Variants in EYA1 observed in about 807,000 individuals in gnomAD.
EYA1 encodes protein phosphatase EYA1.
Under a neutral mutation model 82.0 loss-of-function variants are expected in EYA1, and 16 were observed. That is an observed-to-expected ratio of 0.20 (90% CI 0.13 to 0.30). EYA1 has a LOEUF of 0.30. Among genes scored for constraint, EYA1 ranks in the 10% least tolerant of loss-of-function variants. The pLI, the probability that EYA1 is intolerant of heterozygous loss-of-function variation, is 1.00. For synonymous variants in EYA1, 261 were observed against 264.4 expected, an observed-to-expected ratio of 0.99 and a Z score of 0.12; for missense variants, 633 against 730.7, an observed-to-expected ratio of 0.87 and a Z score of 1.54.
At chr8:71,504,430 C>T (rs1397108752) in intron 2 of EYA1, among the ~76,000 whole-genome samples, 1 of 152,100 alleles carries the variant, frequency 6.6e-6, no homozygotes, top group African/African-American at 2.4e-5. Flanking sequence ...TCACCTAATC[C>T]ATGATCCATT....
chr8:71,284,092 T>G (rs762335383), intron 9 of EYA1, among the ~76,000 whole-genome samples: 2 of 152,186 alleles, frequency 1.3e-5, no homozygotes, highest in Non-Finnish European at 2.9e-5. Context: ...AAGCCGTAAG[T>G]CTCACTTGTC....
intron 2 of EYA1, among the ~76,000 whole-genome samples, chr8:71,387,140 A>G (rs35871111): frequency 0.24 from 35,812 of 152,066 alleles, 4,878 homozygotes; most frequent in Middle Eastern, 0.33. Context: ...AGACTACTTT[A>G]GGGGAGTAGA....
At chr8:71,200,146 A>C in intron 17 of EYA1, 1 of 152,898 alleles carries the variant, frequency 6.5e-6, no homozygotes, top group East Asian at 1.9e-4. Context: ...CACTATAGTA[A>C]GTACTAATGC....
chr8:71,489,116 C>T (rs1030311976), intron 2 of EYA1, among the ~76,000 whole-genome samples: 12 of 152,100 alleles, frequency 7.9e-5, no homozygotes, highest in Non-Finnish European at 1.6e-4. Context: ...TTTTATGTGA[C>T]GGATGCTGTT....
At chr8:71,436,436 A>G (rs991861204) in intron 2 of EYA1, among the ~76,000 whole-genome samples, 1 of 152,146 alleles carries the variant, frequency 6.6e-6, no homozygotes, top group Non-Finnish European at 1.5e-5. Context: ...CAAACAGAGA[A>G]ATAATTTGTT....
chr8:71,264,310 C>T (rs1815507655), intron 11 of EYA1, among the ~76,000 whole-genome samples: 1 of 152,184 alleles, frequency 6.6e-6, no homozygotes, highest in Non-Finnish European at 1.5e-5. Context: ...GCGAACTGAG[C>T]TGTTCTGATG....
chr8:71,290,952 ATTAG>A (rs1818932230), intron 9 of EYA1, among the ~76,000 whole-genome samples: 1 of 152,218 alleles, frequency 6.6e-6, no homozygotes, highest in African/African-American at 2.4e-5. Flanking sequence ...TTTCCAAAAC[ATTAG>A]TTAAAATTGT....
intron 2 of EYA1, among the ~76,000 whole-genome samples, chr8:71,420,632 T>C (rs1214035556): frequency 1.3e-5 from 2 of 152,180 alleles, no homozygotes; most frequent in Non-Finnish European, 1.5e-5. Context: ...TATCTGATAC[T>C]AAAAAATTGA....
At chr8:71,217,050 T>C (rs1316396446) in intron 12 of EYA1, 27 bp from the exon 13 acceptor site, 3 of 1,574,802 alleles carry the variant, frequency 1.9e-6, no homozygotes, top group Non-Finnish European at 8.7e-7. Flanking sequence ...ATGATACATG[T>C]CAATTTTTTA....
intron 3 of EYA1, among the ~76,000 whole-genome samples, chr8:71,342,312 C>T (rs769781291): frequency 6.6e-6 from 1 of 152,172 alleles, no homozygotes; most frequent in Non-Finnish European, 1.5e-5. Flanking sequence ...TATCTACTAT[C>T]AATTCCTTCT....
chr8:71,420,384 T>C (rs1406308589), intron 2 of EYA1, among the ~76,000 whole-genome samples: 1 of 152,140 alleles, frequency 6.6e-6, no homozygotes, highest in African/African-American at 2.4e-5. Flanking sequence ...ACCTAGGATA[T>C]GTTAAAGGTG....
chr8:71,476,953 G>A (rs1361788924), intron 2 of EYA1, among the ~76,000 whole-genome samples: 1 of 151,824 alleles, frequency 6.6e-6, no homozygotes, highest in Non-Finnish European at 1.5e-5. Context: ...TTCAACAAAA[G>A]TGACAAGACC....
intron 3 of EYA1, among the ~76,000 whole-genome samples, chr8:71,353,669 T>C (rs1327210900): frequency 2.6e-5 from 4 of 152,190 alleles, no homozygotes; most frequent in Admixed American, 6.5e-5. Flanking sequence ...TTACATAACA[T>C]TGTAAGTTTC....
intron 4 of EYA1, among the ~76,000 whole-genome samples, chr8:71,327,853 C>CTTTT (rs71555578): frequency 2.9e-4 from 32 of 110,176 alleles, no homozygotes; most frequent in African/African-American, 3.5e-4. Context: ...TCTTTAAGTT[C>CTTTT]TTTTTTTTTT....
chr8:71,479,623 G>GAAAAAAAAA (rs34377404), intron 2 of EYA1, among the ~76,000 whole-genome samples: 1 of 100,200 alleles, frequency 1.0e-5, no homozygotes. Context: ...CTTTCTTTAT[G>GAAAAAAAAA]AAAAAAAAAA....
intron 2 of EYA1, among the ~76,000 whole-genome samples, chr8:71,406,420 C>T (rs1045394665): frequency 2.0e-5 from 3 of 152,160 alleles, no homozygotes; most frequent in Non-Finnish European, 4.4e-5. Context: ...CCAGCGTGAG[C>T]GACGCAGAAG....
upstream of EYA1, among the ~76,000 whole-genome samples, chr8:71,363,150 A>G (rs1827536150): frequency 6.6e-6 from 1 of 152,150 alleles, no homozygotes; most frequent in East Asian, 1.9e-4. Flanking sequence ...TTAAGGAAAA[A>G]AAAAGCGTCC....
chr8:71,457,955 C>T lies in EYA1; in HGVS notation c.33+77789G>A, dbSNP rs188753127. Among the ~76,000 whole-genome samples the T allele has an allele frequency of 7.2e-5, 11 of 152,258 alleles. No homozygotes were observed. In the East Asian group the frequency reaches 2.1e-3, roughly 29 times the overall value. On this transcript the variant is annotated intron_variant, in intron 2 of 18. Transcript: ENST00000643681. Reference sequence around the variant, plus strand: ...ATGGACTTGAGTTTGACTCACCTTACATCTTAATTACAGGCTCCTATTCTG... The same window carrying T: ...ATGGACTTGAGTTTGACTCACCTTATATCTTAATTACAGGCTCCTATTCTG...
chr8:71,200,560 T>A (rs1806851931), intron 17 of EYA1, among the ~76,000 whole-genome samples: 2 of 152,220 alleles, frequency 1.3e-5, no homozygotes, highest in Non-Finnish European at 2.9e-5. Flanking sequence ...TATCTGTATA[T>A]ATGTTATTGA....
Sources: allele counts gnomAD v4.1 joint callset (sites outside exome capture counted in the v4.1 genomes callset), GRCh38; gene constraint gnomAD v4.1.1; transcripts MANE v1.5; gene names NCBI Gene and HGNC (gene_info 2026-07-23, HGNC 2026-07-21).